BOP1: variants seen among roughly 807,000 people sequenced by gnomAD.
BOP1 encodes BOP1 ribosomal biogenesis factor, also known as ribosome biogenesis protein BOP1.
In BOP1, 54 loss-of-function variants were observed where a neutral mutation model predicts 82.9. That is an observed-to-expected ratio of 0.65 (90% confidence interval 0.52 to 0.82). The LOEUF (loss-of-function observed/expected upper bound fraction) is 0.82, where lower values mean the gene tolerates loss of function less well. BOP1 is among the 40% of genes least tolerant of loss of function. BOP1 has a pLI of 0.00. For missense variants in BOP1, 1,170 were observed against 1,072.0 expected, an observed-to-expected ratio of 1.09 and a Z score of -1.28; for synonymous variants, 566 against 451.1, an observed-to-expected ratio of 1.25 and a Z score of -3.23.
chr8:144,264,814 G>C lies in BOP1; in HGVS notation c.563C>G (p.Pro188Arg). 2.5e-6 allele frequency: 4 copies of C among 1,609,378 alleles called. No homozygotes were observed. The highest frequency in any genetic ancestry group is 3.4e-6 in the Non-Finnish European group (4 of 1,179,168). The change falls in exon 5 of 16, where the codon CCG becomes CGG. Residue 188 changes from proline (P) to arginine (R), a missense_variant. Physicochemically the swap from Pro to Arg is moderately radical, Grantham distance 103. Transcript: ENST00000569669. Reference sequence around the variant, plus strand: ...CAGTCTCAGGTCCCGCCCTGTCATCGGGTCCTGCACGGTGCGCCTGGAGAC... The same window carrying C: ...CAGTCTCAGGTCCCGCCCTGTCATCCGGTCCTGCACGGTGCGCCTGGAGAC... ...DPDYWRTVQD[P>R]MTGRDLRLTD...
chr8:144,289,914 C>T (rs1402001810), intron 1 of BOP1, among the ~76,000 whole-genome samples: 5 of 152,342 alleles, frequency 3.3e-5, no homozygotes, highest in East Asian at 1.9e-4. Context: ...GAGACTCTAA[C>T]CGCAACCACG....
intron 3 of BOP1, chr8:144,266,806 GGGCCAGGGGGCC>G: frequency 8.7e-7 from 1 of 1,146,186 alleles, no homozygotes; most frequent in Non-Finnish European, 1.1e-6. Flanking sequence ...CGGGGGCGGG[GGGCCAGGGGGCC>G]GGCCAGGCCG....
chr8:144,269,235 G>A (rs1410367865), intron 3 of BOP1, among the ~76,000 whole-genome samples: 1 of 152,238 alleles, frequency 6.6e-6, no homozygotes, highest in Non-Finnish European at 1.5e-5. Context: ...TGAGATCAGT[G>A]GGCACAGAGA....
rs923995672 is a variant in BOP1, at chr8:144,268,084, C to A, written c.391-3013G>T. The A allele has an allele frequency of 2.6e-6, 4 of 1,550,068 alleles. No individual in the cohort carries two copies. The Admixed American group carries it at 7.8e-5, about 30-fold the overall frequency. On this transcript the variant is annotated intron_variant, in intron 3 of 15. Transcript: ENST00000569669. ...CGCTGGGCTCTGCCGGGGCCTGACA[C>A]TCCTCCCTCCCCTCTGCAGAGCAAG...
At chr8:144,266,791 CGGGCCGGGGGCGGGGGGCCAGG>C in intron 3 of BOP1, 1 of 1,106,030 alleles carries the variant, frequency 9.0e-7, no homozygotes, top group Non-Finnish European at 1.1e-6. Flanking sequence ...GGGGGGCCGG[CGGGCCGGGGGCGGGGGGCCAGG>C]GGGCCGGCCA....
rs561455824 is a variant in BOP1 at position 144,273,299 on chromosome 8, G to A, written c.390+2925C>T. 1.7e-4 allele frequency among the ~76,000 whole-genome samples: 26 copies of A among 152,320 alleles called. No homozygotes were observed. The East Asian group carries it at 4.1e-3, about 24-fold the overall frequency. ...ACGGGCTCTGGACGCAGACAGGCCC[G>A]GCTGCATCCCTGCGGGAACCTGACT... is the stretch of plus-strand genomic sequence containing the variant. On this transcript the variant is annotated intron_variant, in intron 3 of 15. Coordinates refer to ENST00000569669, the MANE Select transcript of BOP1 (RefSeq NM_015201.5).
At chr8:144,268,018 G>A (rs1157848688) in intron 3 of BOP1, 19 of 1,541,770 alleles carry the variant, frequency 1.2e-5, no homozygotes, top group Non-Finnish European at 1.7e-5. Context: ...CTGGCCACCT[G>A]AGATGGCACC....
chr8:144,279,374 GGGCCAAGACCACCAT>G (rs369725669), intron 2 of BOP1, among the ~76,000 whole-genome samples: 30 of 108,492 alleles, frequency 2.8e-4, no homozygotes, highest in African/African-American at 9.3e-4. Flanking sequence ...AGACCACCAC[GGGCCAAGACCACCAT>G]GGCCAAGACC....
chr8:144,283,849 G>A (rs544519045), intron 2 of BOP1, among the ~76,000 whole-genome samples: 98 of 152,290 alleles, frequency 6.4e-4, no homozygotes, highest in African/African-American at 1.7e-3. Flanking sequence ...CAGGTGCGGC[G>A]GCTCACGCCT....
At chr8:144,280,867 C>G (rs1449691550) in intron 2 of BOP1, among the ~76,000 whole-genome samples, 2 of 151,576 alleles carry the variant, frequency 1.3e-5, no homozygotes, top group East Asian at 3.9e-4. Flanking sequence ...AAAAAAAAAT[C>G]TGGAATCATC....
At chr8:144,283,201 CAAA>C (rs60868806) in intron 2 of BOP1, among the ~76,000 whole-genome samples, 5,944 of 54,452 alleles carry the variant, frequency 0.11, 196 homozygotes, top group Non-Finnish European at 0.13. Flanking sequence ...AACTCCATCT[CAAA>C]AAAAAAAAAA....
Position 144,262,495 on chromosome 8 carries a change from T to C in BOP1, c.1988A>G (p.Lys663Arg). Residue 663 changes from lysine (K) to arginine (R), a missense_variant, in exon 15 of 16, where the codon AAG becomes AGG. By Grantham distance (26) the Lys-to-Arg change is conservative (BLOSUM62 2). Transcript: ENST00000569669. ...TKPYRMLRHH[K>R]KALRAVAFHP... ...GAAGGCCACAGCCCGCAGAGCCTTC[T>C]TGTGGTGTCTGGGGGGAGGGAACCA... The C allele has an allele frequency of 3.1e-6, 5 of 1,612,918 alleles. No individual in the cohort carries two copies. Among genetic ancestry groups the C allele is most frequent in the Middle Eastern group, 3.3e-4 (2 of 6,044 alleles).
At chr8:144,262,810 C>T (rs1249629935) in intron 13 of BOP1, 43 bp downstream of exon 13, 6 of 623,336 alleles carry the variant, frequency 9.6e-6, no homozygotes, top group South Asian at 1.9e-5. Context: ...ACCGCCCCCC[C>T]CCCCACCCCT....
chr8:144,268,721 C>T (rs1428332589), intron 3 of BOP1, among the ~76,000 whole-genome samples: 5 of 152,068 alleles, frequency 3.3e-5, no homozygotes, highest in South Asian at 4.2e-4. Context: ...GGAGCCACGC[C>T]GGGAGAGAGG....
intron 2 of BOP1, among the ~76,000 whole-genome samples, chr8:144,288,393 T>C (rs1405034507): frequency 6.6e-6 from 1 of 150,946 alleles, no homozygotes; most frequent in Non-Finnish European, 1.5e-5. Context: ...CCGGGCGTGA[T>C]GGCATGTACC....
rs1845208165 is a variant in BOP1, at chr8:144,262,257, G to C, written c.2148C>G (p.Thr716=). 2 of 1,612,666 alleles carry C rather than the reference G, an allele frequency of 1.2e-6. No individual in the cohort carries two copies. Among genetic ancestry groups the C allele is most frequent in the African/African-American group, 2.7e-5 (2 of 74,874 alleles). The change falls in exon 16 of 16, where the codon ACC becomes ACG. Residue 716 remains threonine (T), a synonymous_variant. Transcript: ENST00000569669. The part of the protein sequence containing the change: ...PVKVLKGHVL[T]RDLGVLDVIF... ...TGACGTCCAGCACTCCCAGATCTCG[G>C]GTCAGCACGTGTCCCTTCAGCACCT...
In BOP1 at chr8:144,291,166, C is replaced by T; in HGVS notation, c.99+106G>A. The T allele has an allele frequency of 1.0e-6, 1 of 980,194 alleles. No homozygotes were observed. The highest frequency in any genetic ancestry group is 2.2e-5 in the South Asian group (1 of 45,614). 60.7% of individuals were successfully genotyped at this position (980,194 alleles called of 1,614,324 possible). ...CCACGCCCAAGACCGATTCACTGGG[C>T]GCGGGCGCCCAGGTGACAGAAGCCG... On this transcript the variant is annotated intron_variant, in intron 1 of 15. Transcript: ENST00000569669. This position sits in a 1 kb window ranked among gnomAD's most constrained non-coding sequence, Gnocchi z 4.1.
At chr8:144,271,008 GC>G (rs1481976070) in intron 3 of BOP1, among the ~76,000 whole-genome samples, 7 of 151,846 alleles carry the variant, frequency 4.6e-5, no homozygotes, top group Non-Finnish European at 8.8e-5. Flanking sequence ...CACCCGCCCC[GC>G]CCAGCGCAGC....
Position 144,263,209 on chromosome 8 carries a change from C to T in BOP1, c.1605+12G>A, listed in dbSNP as rs782726551. 6.2e-4 allele frequency: 982 copies of T among 1,593,954 alleles called. 1 individual carries two copies. The highest frequency in any genetic ancestry group is 4.7e-3 in the East Asian group (209 of 44,784). Reference sequence around the variant, plus strand: ...TCCCGCTGCAGCCTCACCCCCAAGGCGCCCCACGTACCTTCCCGTGGCAGA... The same window carrying T: ...TCCCGCTGCAGCCTCACCCCCAAGGTGCCCCACGTACCTTCCCGTGGCAGA... On this transcript the variant is annotated intron_variant, in intron 12 of 15. Coordinates refer to ENST00000569669, the MANE Select transcript of BOP1 (RefSeq NM_015201.5).
Sources: allele counts gnomAD v4.1 joint callset (sites outside exome capture counted in the v4.1 genomes callset), GRCh38; gene constraint gnomAD v4.1.1; non-coding constraint Gnocchi (gnomAD v3.1); transcripts MANE v1.5; gene names NCBI Gene and HGNC (gene_info 2026-07-23, HGNC 2026-07-21).